NAV1: variants seen among roughly 807,000 people sequenced by gnomAD.
The protein encoded by NAV1 is neuron navigator 1, also known as pore membrane and/or filament interacting like protein 3.
A neutral mutation model predicts 175.2 loss-of-function variants in NAV1; 18 were observed. That is an observed-to-expected ratio of 0.10 (90% CI 0.07 to 0.15). The LOEUF is 0.15. Among genes scored for constraint, NAV1 ranks in the 10% least tolerant of loss-of-function variants. The probability of loss-of-function intolerance (pLI) is 1.00; values close to 1 mark genes in which losing one functional copy is unlikely to be tolerated. For synonymous variants in NAV1, 897 were observed against 978.7 expected (o/e 0.92, Z 1.56); for missense variants, 1,731 against 2,436.6 (o/e 0.71, Z 6.10).
At chr1:201,665,540 A>T (rs931117901) in intron 1 of NAV1, among the ~76,000 whole-genome samples, 1 of 148,906 alleles carries the variant, frequency 6.7e-6, no homozygotes, top group Admixed American at 6.7e-5. Flanking sequence ...CCTCTCCTCT[A>T]CTCTTCCCAT....
At chr1:201,801,846 A>G (rs1465088605) in intron 15 of NAV1, among the ~76,000 whole-genome samples, 2 of 151,988 alleles carry the variant, frequency 1.3e-5, no homozygotes, top group Non-Finnish European at 2.9e-5. Flanking sequence ...TTTAAAAGAC[A>G]TTGAGGGGGC....
In NAV1 at chr1:201,740,186, CA is replaced by C. The variant is rs1673321426; in HGVS notation, c.1226+21432del. The C allele has an allele frequency of 1.1e-6, 1 of 898,544 alleles. No individual in the cohort carries two copies. Among genetic ancestry groups the C allele is most frequent in the Non-Finnish European group, 1.6e-6 (1 of 619,962 alleles). 55.7% of individuals were successfully genotyped at this position (898,544 alleles called of 1,614,324 possible). ...CCCAGTTCCGCCGCAGCTGCAGTCT[CA>C]GGGGCAGTGGGTGTGGGGTCCGCAA... On this transcript the variant is annotated intron_variant, in intron 3 of 29. Transcript: ENST00000367296. This position sits in a 1 kb window ranked among gnomAD's most constrained non-coding sequence, Gnocchi z 4.7.
chr1:201,808,955 C>A lies in NAV1; in HGVS notation c.4207+84C>A. ...GTTACACCATTCCACTTGCTTTGGT[C>A]AGGGCGGTAACAATGCCGAAGCCAA... On this transcript the variant is annotated intron_variant, in intron 20 of 29. Coordinates refer to ENST00000367296, the Ensembl canonical transcript of NAV1. The surrounding 1 kb of genome is among the most constrained non-coding windows in gnomAD (Gnocchi z 5.5). The A allele has an allele frequency of 6.6e-7, 1 of 1,517,806 alleles. No homozygotes were observed. The highest frequency in any genetic ancestry group is 1.3e-5 in the South Asian group (1 of 79,198). 94.0% of individuals were successfully genotyped at this position (1,517,806 alleles called of 1,614,324 possible). A position where few individuals can be genotyped will look rare whatever the true frequency, so the allele number is the denominator to read the frequency against.
chr1:201,702,690 C>T (rs771396503), intron 1 of NAV1, among the ~76,000 whole-genome samples: 1,818 of 140,634 alleles, frequency 0.013, 101 homozygotes, highest in African/African-American at 0.019. Context: ...CTCTCTCTCT[C>T]TCTCTCTCTC....
At position 201,754,151 on chromosome 1, in the gene NAV1, T is replaced by C. The variant is rs562308378; in HGVS notation, c.1227-26270T>C. On this transcript the variant is annotated intron_variant, in intron 3 of 29. Transcript: ENST00000367296. ...AACCCCTTGATTCATTCAACAAGTA[T>C]TTATGGAGAATCTACTCTGTGCCAG... is the stretch of plus-strand genomic sequence containing the variant. Among the ~76,000 whole-genome samples the C allele has an allele frequency of 8.5e-5, 13 of 152,270 alleles. No individual in the cohort carries two copies. In the South Asian group the frequency reaches 2.1e-3, roughly 24 times the overall value.
chr1:201,755,206 A>G (rs560888720), intron 3 of NAV1, among the ~76,000 whole-genome samples: 18 of 152,376 alleles, frequency 1.2e-4, no homozygotes, highest in African/African-American at 4.3e-4. Flanking sequence ...TATTTTGCAT[A>G]AAAACATTTA....
At chr1:201,711,640 C>G (rs1174094274) in intron 1 of NAV1, among the ~76,000 whole-genome samples, 6 of 152,162 alleles carry the variant, frequency 3.9e-5, no homozygotes, top group Non-Finnish European at 8.8e-5. Context: ...CTTGGGTTTT[C>G]TCTGTTGTTT....
chr1:201,648,567 C>T (rs1251455634), exon 1 of NAV1: 2 of 1,261,070 alleles, frequency 1.6e-6, no homozygotes, highest in African/African-American at 1.6e-5. Flanking sequence ...CCTCTCTCTC[C>T]CCCTCCTCCT....
At chr1:201,556,718 C>G (rs577168321) in intron 1 of NAV1, among the ~76,000 whole-genome samples, 1 of 152,332 alleles carries the variant, frequency 6.6e-6, no homozygotes, top group African/African-American at 2.4e-5. Flanking sequence ...GTCTAAGGAC[C>G]AGCCCTGCCC....
At chr1:201,739,982 G>T (rs1673300443) in intron 3 of NAV1, 6 of 1,440,418 alleles carry the variant, frequency 4.2e-6, no homozygotes, top group South Asian at 1.5e-5. Context: ...CCTGGGGGGC[G>T]CTGGGTGCCC....
chr1:201,557,772 G>C (rs1348053667), intron 1 of NAV1, among the ~76,000 whole-genome samples: 1 of 152,186 alleles, frequency 6.6e-6, no homozygotes, highest in Non-Finnish European at 1.5e-5. Context: ...ACGTGGTTTT[G>C]TTCCAATAGG....
chr1:201,706,504 C>T (rs1372297683), intron 1 of NAV1, among the ~76,000 whole-genome samples: 2 of 152,202 alleles, frequency 1.3e-5, no homozygotes, highest in African/African-American at 2.4e-5. Context: ...CCATTCACAA[C>T]CTGGTGACAC....
intron 2 of NAV1, among the ~76,000 whole-genome samples, chr1:201,635,573 G>A (rs576745707): frequency 3.9e-5 from 6 of 152,298 alleles, no homozygotes; most frequent in South Asian, 2.1e-4. Flanking sequence ...CAGGAGCAGA[G>A]CTTTGGCCTC....
At chr1:201,579,445 T>C (rs1666784264) in intron 1 of NAV1, among the ~76,000 whole-genome samples, 1 of 152,098 alleles carries the variant, frequency 6.6e-6, no homozygotes, top group Non-Finnish European at 1.5e-5. Flanking sequence ...AACCTCTGCC[T>C]CCTGGGTTCA....
At chr1:201,706,052 A>C (rs1381146882) in intron 1 of NAV1, among the ~76,000 whole-genome samples, 1 of 152,106 alleles carries the variant, frequency 6.6e-6, no homozygotes, top group Non-Finnish European at 1.5e-5. Flanking sequence ...TGGAGTTTGA[A>C]GGTTTGTGTC....
chr1:201,682,466 A>C (rs1452712520), intron 1 of NAV1, among the ~76,000 whole-genome samples: 1 of 152,156 alleles, frequency 6.6e-6, no homozygotes, highest in Non-Finnish European at 1.5e-5. Flanking sequence ...CTCCCTGGTC[A>C]GGCTCTAAGA....
chr1:201,676,428 C>T (rs772544331), intron 1 of NAV1, among the ~76,000 whole-genome samples: 5 of 152,202 alleles, frequency 3.3e-5, no homozygotes, highest in East Asian at 3.8e-4. Context: ...GACACAGAGT[C>T]GGCTTCCTAG....
intron 2 of NAV1, among the ~76,000 whole-genome samples, chr1:201,617,499 G>A (rs971759114): frequency 5.9e-5 from 9 of 152,222 alleles, no homozygotes; most frequent in African/African-American, 1.7e-4. Flanking sequence ...AAAGAGGCAG[G>A]AGGATTGCTC....
intron 1 of NAV1, among the ~76,000 whole-genome samples, chr1:201,540,616 C>T (rs1026127915): frequency 5.9e-5 from 9 of 152,314 alleles, no homozygotes; most frequent in Admixed American, 1.3e-4. Flanking sequence ...TTCCAGCTTG[C>T]TTATGACATT....
Sources: allele counts gnomAD v4.1 joint callset (sites outside exome capture counted in the v4.1 genomes callset), GRCh38; gene constraint gnomAD v4.1.1; non-coding constraint Gnocchi (gnomAD v3.1); transcripts MANE v1.5; gene names NCBI Gene and HGNC (gene_info 2026-07-23, HGNC 2026-07-21).